Variants in PRKAR1A observed in about 807,000 individuals in gnomAD.
PRKAR1A encodes the protein protein kinase cAMP-dependent type I regulatory subunit alpha.
Under a neutral mutation model 52.0 loss-of-function variants are expected in PRKAR1A, and 3 were observed. The observed-to-expected ratio is 0.06, with a 90% CI of 0.03 to 0.15. The LOEUF (loss-of-function observed/expected upper bound fraction) is 0.15, where lower values mean the gene tolerates loss of function less well. PRKAR1A is among the 10% of genes least tolerant of loss of function. PRKAR1A has a pLI of 1.00. For missense variants in PRKAR1A, 240 were observed against 477.4 expected (o/e 0.50, Z 4.63); for synonymous variants, 188 against 168.4 (o/e 1.12, Z -0.90).
At chr17:68,418,349 C>T in the PRKAR1A span, among the ~76,000 whole-genome samples, 1 of 152,218 alleles carries the variant, frequency 6.6e-6, no homozygotes, top group African/African-American at 2.4e-5. Context: ...GGGACACAGT[C>T]TCTACTCCTA....
downstream of PRKAR1A, chr17:68,537,874 T>A: frequency 9.8e-7 from 1 of 1,023,640 alleles, no homozygotes; most frequent in Non-Finnish European, 1.5e-6. This position sits in a 1 kb window ranked among gnomAD's most constrained non-coding sequence, Gnocchi z 4.2. Flanking sequence ...AGGCACATTT[T>A]AATGGAAACC....
downstream of PRKAR1A, chr17:68,537,399 A>C (rs575973949): frequency 1.9e-6 from 3 of 1,579,730 alleles, no homozygotes; most frequent in African/African-American, 2.7e-5. The surrounding 1 kb of genome is among the most constrained non-coding windows in gnomAD (Gnocchi z 4.2). Flanking sequence ...AACAGGTGGG[A>C]GTGAGGACGC....
downstream of PRKAR1A, chr17:68,535,838 C>T: frequency 2.2e-6 from 1 of 453,734 alleles, no homozygotes; most frequent in Non-Finnish European, 4.4e-6. Flanking sequence ...AATTTGACTT[C>T]ATAAATTGGG....
At chr17:68,539,801 G>T in intron 11 of PRKAR1A, 1 of 1,317,298 alleles carries the variant, frequency 7.6e-7, no homozygotes, top group Middle Eastern at 1.8e-4. Flanking sequence ...TCATTTGCAG[G>T]GCGTCTGTTT....
chr17:68,465,599 C>A, the PRKAR1A span, among the ~76,000 whole-genome samples: 4 of 148,332 alleles, frequency 2.7e-5, no homozygotes, highest in Non-Finnish European at 4.5e-5. Flanking sequence ...GGATTACAGA[C>A]GTGCGGTGCG....
the PRKAR1A span, among the ~76,000 whole-genome samples, chr17:68,466,627 C>G: frequency 6.6e-6 from 1 of 151,774 alleles, no homozygotes; most frequent in South Asian, 2.1e-4. Context: ...GACCAGGCTT[C>G]TCTCTATCTC....
chr17:68,493,851 C>G, the PRKAR1A span, among the ~76,000 whole-genome samples: 1 of 152,134 alleles, frequency 6.6e-6, no homozygotes, highest in Non-Finnish European at 1.5e-5. Context: ...CTTGGCCTCC[C>G]AAAGTGCTGG....
chr17:68,537,648 C>G (rs1568715700), downstream of PRKAR1A: 1 of 1,613,800 alleles, frequency 6.2e-7, no homozygotes, highest in Non-Finnish European at 8.5e-7. This position sits in a 1 kb window ranked among gnomAD's most constrained non-coding sequence, Gnocchi z 4.2. Context: ...CAGGGCTGAG[C>G]TGGTCTTCCA....
the PRKAR1A span, chr17:68,414,263 A>G: frequency 1.3e-5 from 2 of 152,230 alleles, no homozygotes; most frequent in Non-Finnish European, 2.9e-5. Flanking sequence ...TACTGCATCT[A>G]TTGAGATGAC....
chr17:68,419,195 T>C, the PRKAR1A span, among the ~76,000 whole-genome samples: 622 of 152,214 alleles, frequency 4.1e-3, 8 homozygotes, highest in African/African-American at 0.014. Context: ...GATTCACCAA[T>C]TGGTAGTCAA....
At chr17:68,416,955 G>T in the PRKAR1A span, among the ~76,000 whole-genome samples, 1 of 152,228 alleles carries the variant, frequency 6.6e-6, no homozygotes, top group South Asian at 2.1e-4. Context: ...CTAACCTCCT[G>T]AATTCTTTTT....
chr17:68,443,076 A>G, the PRKAR1A span, among the ~76,000 whole-genome samples: 1 of 152,118 alleles, frequency 6.6e-6, no homozygotes, highest in Non-Finnish European at 1.5e-5. Context: ...AACAGCCTCA[A>G]TGGCTTTGTT....
At chr17:68,478,350 G>A in the PRKAR1A span, among the ~76,000 whole-genome samples, 2 of 152,104 alleles carry the variant, frequency 1.3e-5, no homozygotes, top group Non-Finnish European at 2.9e-5. Context: ...TACTCGAGAG[G>A]CTCAGACAGG....
At chr17:68,523,522 G>A (rs1218000985) in intron 3 of PRKAR1A, among the ~76,000 whole-genome samples, 2 of 152,188 alleles carry the variant, frequency 1.3e-5, no homozygotes, top group African/African-American at 2.4e-5. Context: ...TTTAGGCCTG[G>A]CTGTAGGCAA....
chr17:68,436,462 T>C, the PRKAR1A span: 12 of 1,613,738 alleles, frequency 7.4e-6, 1 homozygote, highest in South Asian at 4.4e-5. Flanking sequence ...GAATGGTTGA[T>C]AGAGAGAGCA....
At chr17:68,438,454 G>A in the PRKAR1A span, among the ~76,000 whole-genome samples, 1 of 152,210 alleles carries the variant, frequency 6.6e-6, no homozygotes, top group Non-Finnish European at 1.5e-5. Context: ...CAGGAGATCT[G>A]GTTGTCTTGT....
the PRKAR1A span, among the ~76,000 whole-genome samples, chr17:68,437,005 A>AAATATAT: frequency 2.5e-4 from 27 of 107,264 alleles, no homozygotes; most frequent in East Asian, 2.2e-3. Flanking sequence ...AAAAAAAAAA[A>AAATATAT]ATATATATAT....
At chr17:68,449,511 G>A in the PRKAR1A span, among the ~76,000 whole-genome samples, 73,491 of 152,100 alleles carry the variant, frequency 0.48, 18,159 homozygotes, top group African/African-American at 0.55. Context: ...GTAATCTTCA[G>A]TGTTGGAGGA....
the PRKAR1A span, among the ~76,000 whole-genome samples, chr17:68,487,168 G>A: frequency 2.0e-5 from 3 of 152,118 alleles, no homozygotes; most frequent in South Asian, 2.1e-4. Context: ...CACTGCGCCC[G>A]GCCTGTTATG....
Sources: gnomAD v4.1 joint callset for allele counts (sites outside exome capture counted in the v4.1 genomes callset) on GRCh38, gnomAD v4.1.1 for gene constraint, Gnocchi (gnomAD v3.1) non-coding constraint, MANE v1.5 for transcripts, NCBI Gene and HGNC (gene_info 2026-07-23, HGNC 2026-07-21) for gene names.